REPS1: variants seen among roughly 807,000 people sequenced by gnomAD.
REPS1 encodes the protein ralBP1-associated Eps domain-containing protein 1.
In REPS1, 39 loss-of-function variants were observed where a neutral mutation model predicts 100.9. That is an observed-to-expected ratio of 0.39 (90% confidence interval 0.30 to 0.50). The LOEUF is 0.50. Ranked by LOEUF, REPS1 falls within the 20% of genes least tolerant of loss-of-function variation. REPS1 has a pLI of 0.86. For synonymous variants in REPS1, 324 were observed against 340.3 expected, an observed-to-expected ratio of 0.95 and a Z score of 0.53; for missense variants, 821 against 968.5, an observed-to-expected ratio of 0.85 and a Z score of 2.02.
At chr6:138,960,821 G>T (rs1204069347) in intron 1 of REPS1, among the ~76,000 whole-genome samples, 1 of 152,108 alleles carries the variant, frequency 6.6e-6, no homozygotes, top group African/African-American at 2.4e-5. Context: ...TATTTTGCTT[G>T]TAAAATATTT....
intron 17 of REPS1, among the ~76,000 whole-genome samples, chr6:138,910,526 G>A (rs192199896): frequency 2.6e-5 from 4 of 152,204 alleles, no homozygotes; most frequent in Admixed American, 2.6e-4. Context: ...GCTAATATTT[G>A]TACTTTTTGT....
At chr6:138,978,287 CCTTTT>C (rs1162872508) in intron 1 of REPS1, among the ~76,000 whole-genome samples, 31 of 149,802 alleles carry the variant, frequency 2.1e-4, no homozygotes, top group Admixed American at 6.6e-5. Flanking sequence ...TGTTTCTTTT[CCTTTT>C]CTTTTTTTTT....
chr6:138,926,550 T>C, intron 9 of REPS1, 69 bp from the exon 10 acceptor site: 1 of 1,083,464 alleles, frequency 9.2e-7, no homozygotes, highest in Non-Finnish European at 1.4e-6. Flanking sequence ...TGGAGAAGAT[T>C]TAGCAAAGTA....
In REPS1 at chr6:138,914,630, T is replaced by C. The variant is rs183742243; in HGVS notation, c.1785+67A>G. The stretch of plus-strand genomic sequence containing the variant: ...CCTGACCTTCCAAATAATTTGAGAA[T>C]AGAATTAAATACCTAGCAGGCAAAG... On this transcript the variant is annotated intron_variant, in intron 15 of 19. Transcript: ENST00000450536. 6.0e-5 allele frequency: 75 copies of C among 1,245,982 alleles called. 1 individual carries two copies. The East Asian group carries it at 1.6e-3, about 26-fold the overall frequency. The allele number at this position is 1,245,982 out of a possible 1,614,324, so 77.2% of individuals were successfully genotyped here.
intron 1 of REPS1, among the ~76,000 whole-genome samples, chr6:138,975,657 AC>A (rs969521331): frequency 2.6e-5 from 4 of 152,078 alleles, no homozygotes; most frequent in Admixed American, 6.6e-5. Flanking sequence ...ACATGATGAA[AC>A]CCCATCTCTA....
intron 1 of REPS1, among the ~76,000 whole-genome samples, chr6:138,968,953 C>T (rs1402786290): frequency 2.0e-5 from 3 of 152,192 alleles, no homozygotes; most frequent in Non-Finnish European, 4.4e-5. Flanking sequence ...ATTGGGTACA[C>T]ATCTCACTCT....
rs1454038891 is a variant in REPS1, at chr6:138,903,564, T to C, written c.*1500A>G. 4.6e-5 allele frequency: 7 copies of C among 152,292 alleles called. 1 individual carries two copies. The Middle Eastern group carries it at 0.014, about 296-fold the overall frequency. 9.4% of individuals were successfully genotyped at this position (152,292 alleles called of 1,614,324 possible). ...GAAGCTTTAACAAATATTTTTGACA[T>C]TGTTAAATTAGAAGGCTATTTTTAA... On this transcript the variant is annotated 3_prime_UTR_variant, in exon 20 of 20. Transcript: ENST00000450536.
chr6:138,962,033 T>G (rs999867854), intron 1 of REPS1, among the ~76,000 whole-genome samples: 38 of 152,348 alleles, frequency 2.5e-4, no homozygotes, highest in African/African-American at 9.1e-4. Context: ...GAATTTTCTA[T>G]AATATATTCC....
intron 1 of REPS1, among the ~76,000 whole-genome samples, chr6:138,957,964 A>T (rs904827608): frequency 6.6e-6 from 1 of 152,232 alleles, no homozygotes; most frequent in Non-Finnish European, 1.5e-5. Context: ...ATGTGAAAGT[A>T]CCACTAAGAA....
intron 10 of REPS1, among the ~76,000 whole-genome samples, chr6:138,926,197 T>C (rs1051750587): frequency 6.6e-6 from 1 of 152,180 alleles, no homozygotes; most frequent in Non-Finnish European, 1.5e-5. Context: ...TTTAAAAACG[T>C]AGTTTTCTCT....
At chr6:138,915,526 C>A (rs1780307904) in intron 14 of REPS1, among the ~76,000 whole-genome samples, 1 of 150,252 alleles carries the variant, frequency 6.7e-6, no homozygotes, top group South Asian at 2.1e-4. Context: ...AATCTTGGCT[C>A]ACTGCAACCT....
intron 1 of REPS1, among the ~76,000 whole-genome samples, chr6:138,958,535 C>T (rs1783540934): frequency 6.6e-6 from 1 of 152,132 alleles, no homozygotes; most frequent in Non-Finnish European, 1.5e-5. Context: ...TGTGTTGCTC[C>T]CCTCCCTGTG....
chr6:138,934,892 T>C (rs1342614421), intron 8 of REPS1, among the ~76,000 whole-genome samples: 9 of 152,108 alleles, frequency 5.9e-5, no homozygotes, highest in Non-Finnish European at 5.9e-5. Context: ...ATACGGAAAA[T>C]GAAAAACAAT....
intron 1 of REPS1, among the ~76,000 whole-genome samples, chr6:138,948,941 G>A (rs1026411401): frequency 1.3e-5 from 2 of 152,168 alleles, no homozygotes; most frequent in Admixed American, 1.3e-4. Context: ...GACCAGCACT[G>A]GAAGAAGTTC....
At position 138,936,921 on chromosome 6, in the gene REPS1, T is replaced by G. The variant is rs369177905; in HGVS notation, c.1135+4414A>C. Reference sequence around the variant, plus strand: ...TCATAAATGTGATAGCTCTATATATTATTCTATTAGTCCATTTTCACATTG... The same window carrying G: ...TCATAAATGTGATAGCTCTATATATGATTCTATTAGTCCATTTTCACATTG... On this transcript the variant is annotated intron_variant, in intron 8 of 19. Transcript: ENST00000450536. Among the ~76,000 whole-genome samples, 3 of 152,328 alleles carry G rather than the reference T, an allele frequency of 2.0e-5. 1 individual carries two copies.
chr6:138,966,496 C>A (rs958810751), intron 1 of REPS1, among the ~76,000 whole-genome samples: 3 of 152,114 alleles, frequency 2.0e-5, no homozygotes, highest in African/African-American at 7.2e-5. Context: ...TGTTAACTAA[C>A]CTAATCATCC....
In REPS1 at chr6:138,939,815, T is replaced by C. The variant is rs1417226054; in HGVS notation, c.1135+1520A>G. ...AGTACTTTGAATCAAAATTACCTAA[T>C]AAAGATACTAAGCTTTCAGCTCAAG... On this transcript the variant is annotated intron_variant, in intron 8 of 19. Coordinates refer to ENST00000450536, the MANE Select transcript of REPS1 (RefSeq NM_001286611.2). 5.9e-5 allele frequency among the ~76,000 whole-genome samples: 9 copies of C among 152,192 alleles called. No individual in the cohort carries two copies. The East Asian group carries it at 1.7e-3, about 29-fold the overall frequency.
chr6:138,923,800 C>T (rs1280327735), intron 10 of REPS1, among the ~76,000 whole-genome samples: 1 of 152,152 alleles, frequency 6.6e-6, no homozygotes, highest in African/African-American at 2.4e-5. Context: ...CAGTTTGGAA[C>T]TTTGCACTGA....
intron 10 of REPS1, among the ~76,000 whole-genome samples, chr6:138,924,069 C>T (rs1780950049): frequency 6.6e-6 from 1 of 151,956 alleles, no homozygotes; most frequent in Non-Finnish European, 1.5e-5. Context: ...AGGTAAGTAT[C>T]AAATGAAGGT....
Sources: allele counts gnomAD v4.1 joint callset (sites outside exome capture counted in the v4.1 genomes callset), GRCh38; gene constraint gnomAD v4.1.1; transcripts MANE v1.5; gene names NCBI Gene and HGNC (gene_info 2026-07-23, HGNC 2026-07-21).